The following SORCS2 variants were observed in gnomAD, a reference collection of about 807,000 sequenced individuals.
The protein encoded by SORCS2 is VPS10 domain-containing receptor SorCS2.
A neutral mutation model predicts 141.6 loss-of-function variants in SORCS2; 100 were observed. The observed-to-expected ratio is 0.71, with a 90% CI of 0.60 to 0.83. The LOEUF (loss-of-function observed/expected upper bound fraction) is 0.83. Among genes scored for constraint, SORCS2 ranks in the 40% least tolerant of loss-of-function variants. SORCS2 has a pLI of 0.00. For synonymous variants in SORCS2, 789 were observed against 676.9 expected (o/e 1.17, Z -2.57); for missense variants, 1,646 against 1,560.2 (o/e 1.05, Z -0.93).
intron 1 of SORCS2, among the ~76,000 whole-genome samples, chr4:7,319,769 A>G (rs188374424): frequency 6.6e-6 from 1 of 152,226 alleles, no homozygotes; most frequent in Admixed American, 6.5e-5. Flanking sequence ...GCTTCTTTAA[A>G]AATATAGAAG....
intron 1 of SORCS2, among the ~76,000 whole-genome samples, chr4:7,263,655 A>G (rs1714518161): frequency 6.6e-6 from 1 of 152,170 alleles, no homozygotes; most frequent in Non-Finnish European, 1.5e-5. Flanking sequence ...CTGTATGTCA[A>G]AGTGGCTGGG....
At chr4:7,686,831 G>A (rs890623156) in intron 10 of SORCS2, among the ~76,000 whole-genome samples, 28 of 152,212 alleles carry the variant, frequency 1.8e-4, no homozygotes, top group African/African-American at 3.9e-4. Flanking sequence ...AGGGGGAGCC[G>A]TCTGTTTGGC....
chr4:7,244,410 C>T (rs1379710007), intron 1 of SORCS2, among the ~76,000 whole-genome samples: 1 of 152,262 alleles, frequency 6.6e-6, no homozygotes, highest in Non-Finnish European at 1.5e-5. Context: ...CGCGGCGCTG[C>T]TCCTGCAGGA....
intron 5 of SORCS2, among the ~76,000 whole-genome samples, chr4:7,654,599 C>A (rs185438305): frequency 1.3e-5 from 2 of 152,186 alleles, no homozygotes; most frequent in Non-Finnish European, 2.9e-5. Context: ...CCCACCACTC[C>A]GCACTCCCTG....
chr4:7,375,834 A>G (rs1445675013), intron 1 of SORCS2, among the ~76,000 whole-genome samples: 6 of 152,210 alleles, frequency 3.9e-5, no homozygotes, highest in Non-Finnish European at 5.9e-5. Flanking sequence ...TGTCGAGTGC[A>G]AGTGGCTTCT....
At chr4:7,628,855 A>G (rs959214586) in intron 3 of SORCS2, among the ~76,000 whole-genome samples, 1 of 152,196 alleles carries the variant, frequency 6.6e-6, no homozygotes, top group Non-Finnish European at 1.5e-5. Context: ...AAGGGCTCAC[A>G]AGGGAAATTT....
intron 2 of SORCS2, among the ~76,000 whole-genome samples, chr4:7,444,425 T>C (rs1727865606): frequency 6.6e-6 from 1 of 151,974 alleles, no homozygotes; most frequent in South Asian, 2.1e-4. Flanking sequence ...AACAAAACAT[T>C]TGAGTGTAAA....
intron 14 of SORCS2, among the ~76,000 whole-genome samples, chr4:7,707,347 A>T (rs1038353392): frequency 6.6e-6 from 1 of 152,268 alleles, no homozygotes; most frequent in Admixed American, 6.5e-5. Flanking sequence ...GCCAAGGAGG[A>T]TGGAAGCTGG....
intron 1 of SORCS2, among the ~76,000 whole-genome samples, chr4:7,230,391 T>C (rs1577301726): frequency 9.3e-6 from 1 of 107,778 alleles, no homozygotes; most frequent in East Asian, 3.0e-4. Flanking sequence ...GTCAAGTCTT[T>C]GAGTCTCTGG....
chr4:7,404,895 G>T (rs77623926), intron 2 of SORCS2, among the ~76,000 whole-genome samples: 2,773 of 152,076 alleles, frequency 0.018, 87 homozygotes, highest in African/African-American at 0.064. Flanking sequence ...TTAGTTGCCT[G>T]TGCTTTTCTG....
chr4:7,434,129 C>A lies in SORCS2; in HGVS notation c.548+37774C>A, dbSNP rs565690935. 1.1e-5 allele frequency: 18 copies of A among 1,613,132 alleles called. No homozygotes were observed. In the East Asian group the frequency reaches 2.2e-4, roughly 20 times the overall value. ...GCCCCTAGCTCCTCACAGAATCCCC[C>A]CTTCCTGCAGAGCTCCTGCGGGGGG... On this transcript the variant is annotated intron_variant, in intron 2 of 26. Transcript: ENST00000507866.
At chr4:7,505,231 T>C (rs1309500995) in intron 2 of SORCS2, among the ~76,000 whole-genome samples, 2 of 151,944 alleles carry the variant, frequency 1.3e-5, no homozygotes, top group Admixed American at 6.6e-5. Context: ...TGCTTCGTGA[T>C]GGGAAAGGGG....
intron 3 of SORCS2, among the ~76,000 whole-genome samples, chr4:7,599,809 G>A (rs1457589510): frequency 6.6e-6 from 1 of 151,296 alleles, no homozygotes; most frequent in African/African-American, 2.4e-5. Context: ...GCTGTGGGGT[G>A]GGTTTTCTTT....
chr4:7,666,239 TCTGTGTTCAGAC>T (rs925265472), intron 7 of SORCS2, among the ~76,000 whole-genome samples: 44 of 152,050 alleles, frequency 2.9e-4, no homozygotes, highest in African/African-American at 1.1e-3. Flanking sequence ...CCACGTCTGG[TCTGTGTTCAGAC>T]CCGATCGCAG....
At chr4:7,200,722 G>T (rs1276894502) in intron 1 of SORCS2, among the ~76,000 whole-genome samples, 1 of 152,138 alleles carries the variant, frequency 6.6e-6, no homozygotes, top group Non-Finnish European at 1.5e-5. Context: ...TGCTGTTCAC[G>T]CTTGGATGAG....
At chr4:7,302,352 A>G (rs1386629326) in intron 1 of SORCS2, among the ~76,000 whole-genome samples, 1 of 152,226 alleles carries the variant, frequency 6.6e-6, no homozygotes, top group Non-Finnish European at 1.5e-5. Context: ...CTCACTCAGA[A>G]GAAAAGCCAA....
intron 1 of SORCS2, among the ~76,000 whole-genome samples, chr4:7,246,181 G>A (rs759577721): frequency 6.6e-5 from 10 of 152,218 alleles, no homozygotes; most frequent in South Asian, 2.1e-4. Flanking sequence ...AAATGCACAC[G>A]TGAGTGCTGC....
At chr4:7,330,778 A>T (rs1719605314) in intron 1 of SORCS2, among the ~76,000 whole-genome samples, 1 of 151,914 alleles carries the variant, frequency 6.6e-6, no homozygotes, top group Non-Finnish European at 1.5e-5. Flanking sequence ...CAGGGAAGGA[A>T]CATTCCTGAG....
At chr4:7,478,164 G>C (rs1386390865) in intron 2 of SORCS2, among the ~76,000 whole-genome samples, 1 of 152,210 alleles carries the variant, frequency 6.6e-6, no homozygotes, top group Non-Finnish European at 1.5e-5. Flanking sequence ...CATTTGCCCA[G>C]TGAGGCAGTT....
Sources: allele counts gnomAD v4.1 joint callset (sites outside exome capture counted in the v4.1 genomes callset), GRCh38; gene constraint gnomAD v4.1.1; transcripts MANE v1.5; gene names NCBI Gene and HGNC (gene_info 2026-07-23, HGNC 2026-07-21).